Variants in TMEM154 observed in about 807,000 individuals in gnomAD.
TMEM154 encodes transmembrane protein 154.
A neutral mutation model predicts 24.5 loss-of-function variants in TMEM154; 27 were observed. The observed-to-expected ratio is 1.10, with a 90% CI of 0.81 to 1.52. The LOEUF is 1.52. TMEM154 is among the 40% of genes most tolerant of loss of function. The pLI is 0.00. For missense variants in TMEM154, 228 were observed against 213.4 expected (o/e 1.07, Z -0.43); for synonymous variants, 67 against 76.8 (o/e 0.87, Z 0.67).
intron 1 of TMEM154, among the ~76,000 whole-genome samples, chr4:152,676,730 G>A (rs1728958685): frequency 6.6e-6 from 1 of 152,146 alleles, no homozygotes; most frequent in Admixed American, 6.5e-5. Context: ...AGAATGTGTA[G>A]CCTTACTTAC....
At chr4:152,676,630 T>C (rs375842406) in intron 1 of TMEM154, among the ~76,000 whole-genome samples, 43 of 152,340 alleles carry the variant, frequency 2.8e-4, no homozygotes, top group African/African-American at 9.6e-4. Flanking sequence ...TTAGCTACTA[T>C]TGTTATTAAT....
At chr4:152,642,076 C>T (rs1421898867) in intron 5 of TMEM154, among the ~76,000 whole-genome samples, 1 of 151,856 alleles carries the variant, frequency 6.6e-6, no homozygotes, top group Non-Finnish European at 1.5e-5. Flanking sequence ...ACATGTGCCA[C>T]ACCCAGCTAA....
At chr4:152,671,962 A>T (rs552663533) in intron 1 of TMEM154, among the ~76,000 whole-genome samples, 171 of 151,810 alleles carry the variant, frequency 1.1e-3, no homozygotes, top group South Asian at 2.1e-3. Context: ...GGGTGAGATG[A>T]AAGTGGGTGT....
intron 1 of TMEM154, among the ~76,000 whole-genome samples, chr4:152,670,723 GATTTT>G (rs1728819977): frequency 6.6e-6 from 1 of 152,196 alleles, no homozygotes; most frequent in African/African-American, 2.4e-5. Context: ...GATATATTTT[GATTTT>G]ATTATTTAAA....
intron 6 of TMEM154, among the ~76,000 whole-genome samples, chr4:152,639,296 A>G (rs1044829957): frequency 1.3e-5 from 2 of 152,232 alleles, no homozygotes; most frequent in African/African-American, 4.8e-5. Flanking sequence ...CAATTCTGTA[A>G]TGTTAAGCTT....
chr4:152,651,243 AACT>A (rs528809323), intron 3 of TMEM154, among the ~76,000 whole-genome samples: 22 of 151,906 alleles, frequency 1.4e-4, no homozygotes, highest in Non-Finnish European at 2.9e-4. Context: ...GCTGGTCTCA[AACT>A]CCTGACCTCA....
At chr4:152,679,314 G>A (rs1041106149) in intron 1 of TMEM154, among the ~76,000 whole-genome samples, 6 of 150,188 alleles carry the variant, frequency 4.0e-5, no homozygotes, top group African/African-American at 1.5e-4. Flanking sequence ...TACTTGATGT[G>A]TTAGAGGGCT....
Position 152,652,501 on chromosome 4 carries a change from A to AC in TMEM154, c.364+36dup, listed in dbSNP as rs1561051484. ...ACATCTCTGCTCCTTCTCCAATCCC[A>AC]CCCCCACCTGTAGGCAGGTTTTAGG... is the stretch of plus-strand genomic sequence containing the variant. On this transcript the variant is annotated intron_variant, in intron 3 of 6. Transcript: ENST00000304385. The AC allele has an allele frequency of 2.5e-6, 4 of 1,610,962 alleles. No individual in the cohort carries two copies. The South Asian group carries it at 3.3e-5, about 13-fold the overall frequency.
chr4:152,637,273 C>T (rs773251948), intron 6 of TMEM154, among the ~76,000 whole-genome samples: 5 of 152,116 alleles, frequency 3.3e-5, no homozygotes, highest in African/African-American at 7.2e-5. Flanking sequence ...CTGCCGGGTG[C>T]GGTGTCTCAC....
rs549332744 is a variant in TMEM154, at chr4:152,653,999, A to T, written c.65-1072T>A. Among the ~76,000 whole-genome samples, 6 of 151,796 alleles carry T rather than the reference A, an allele frequency of 4.0e-5. No homozygotes were observed. The South Asian group carries it at 1.2e-3, about 32-fold the overall frequency. ...GGTTGCAGTCAGCCAAGATCGCGCC[A>T]TTGCACTTCAGCCTAGGCAACAAGA... is the stretch of plus-strand genomic sequence containing the variant. On this transcript the variant is annotated intron_variant, in intron 1 of 6. Coordinates refer to ENST00000304385, the MANE Select transcript of TMEM154 (RefSeq NM_152680.3).
rs1374331641 is a variant in TMEM154, at chr4:152,627,892, G to A, written c.*654C>T. The A allele has an allele frequency of 6.6e-6, 1 of 152,336 alleles. No homozygotes were observed. The highest frequency in any genetic ancestry group is 2.4e-5 in the African/African-American group (1 of 41,446). The allele number at this position is 152,336 out of a possible 1,614,324, so 9.4% of individuals were successfully genotyped here. Reference sequence around the variant, plus strand: ...AAGTTCTTAAGGGTGACCAGACCTGGCCATGCTAGGGTCTACAAGTTACCA... The same window carrying A: ...AAGTTCTTAAGGGTGACCAGACCTGACCATGCTAGGGTCTACAAGTTACCA... On this transcript the variant is annotated 3_prime_UTR_variant, in exon 7 of 7. Transcript: ENST00000304385.
intron 1 of TMEM154, among the ~76,000 whole-genome samples, chr4:152,656,103 G>T (rs970884178): frequency 6.6e-6 from 1 of 152,116 alleles, no homozygotes; most frequent in Non-Finnish European, 1.5e-5. Flanking sequence ...CCACCCTCAT[G>T]TACCAGCTAC....
chr4:152,655,840 C>T (rs1728480338), intron 1 of TMEM154, among the ~76,000 whole-genome samples: 1 of 152,140 alleles, frequency 6.6e-6, no homozygotes, highest in Non-Finnish European at 1.5e-5. Context: ...GCTGCCTTCA[C>T]CTGAGCTTTC....
chr4:152,650,919 A>G (rs766247665), intron 3 of TMEM154, among the ~76,000 whole-genome samples: 29 of 152,344 alleles, frequency 1.9e-4, no homozygotes, highest in Admixed American at 9.1e-4. Context: ...TGAGCAGTAG[A>G]CCTTAACAGT....
Position 152,628,584 on chromosome 4 carries a change from AAAAAAAAAC to A in TMEM154, c.537-32_537-24del, listed in dbSNP as rs748600293. The A allele has an allele frequency of 6.5e-5, 72 of 1,113,480 alleles. 1 individual carries two copies. Among genetic ancestry groups the A allele is most frequent in the East Asian group, 3.2e-4 (8 of 24,636 alleles). The allele number at this position is 1,113,480 out of a possible 1,614,324, so 69.0% of individuals were successfully genotyped here. A position where few individuals can be genotyped will look rare whatever the true frequency, so the allele number is the denominator to read the frequency against. On this transcript the variant is annotated intron_variant, in intron 6 of 6. Coordinates refer to ENST00000304385, the MANE Select transcript of TMEM154 (RefSeq NM_152680.3). Reference sequence around the variant, plus strand: ...TCACTGTAAAAAAAAAAAAAAAAAAAAAAAAAAACAAAAAAAACACACACACACACACAA... The same window carrying A: ...TCACTGTAAAAAAAAAAAAAAAAAAAAAAAAAAACACACACACACACACAA...
intron 1 of TMEM154, 31 bp downstream of exon 1, chr4:152,679,839 T>C: frequency 6.3e-7 from 1 of 1,593,962 alleles, no homozygotes; most frequent in Non-Finnish European, 8.5e-7. Context: ...GCGATCCTCC[T>C]TCCCAGGAGT....
intron 6 of TMEM154, among the ~76,000 whole-genome samples, chr4:152,639,611 T>C (rs1159142819): frequency 6.6e-6 from 1 of 151,866 alleles, no homozygotes; most frequent in Non-Finnish European, 1.5e-5. Flanking sequence ...CCTCTCTCTC[T>C]CCCCATTTCT....
chr4:152,662,015 A>G (rs1050934980), intron 1 of TMEM154, among the ~76,000 whole-genome samples: 6 of 152,224 alleles, frequency 3.9e-5, no homozygotes, highest in African/African-American at 1.4e-4. Flanking sequence ...CTTGAAGATC[A>G]TTCCATGACT....
chr4:152,633,567 A>G (rs185269692), intron 6 of TMEM154, among the ~76,000 whole-genome samples: 17 of 152,362 alleles, frequency 1.1e-4, no homozygotes, highest in Non-Finnish European at 1.9e-4. Flanking sequence ...CAACACATCA[A>G]ATAAGTGATC....
Sources: allele counts gnomAD v4.1 joint callset (sites outside exome capture counted in the v4.1 genomes callset), GRCh38; gene constraint gnomAD v4.1.1; transcripts MANE v1.5; gene names NCBI Gene and HGNC (gene_info 2026-07-23, HGNC 2026-07-21).